MCM3AP: variants seen among roughly 807,000 people sequenced by gnomAD.
MCM3AP encodes minichromosome maintenance complex component 3 associated protein, also known as germinal-center associated nuclear protein.
In MCM3AP, 126 loss-of-function variants were observed where a neutral mutation model predicts 184.1. That is an observed-to-expected ratio of 0.68 (90% confidence interval 0.59 to 0.79). MCM3AP has a LOEUF of 0.79. MCM3AP is among the 30% of genes least tolerant of loss of function. The pLI is 0.00. For synonymous variants in MCM3AP, 1,002 were observed against 979.3 expected (o/e 1.02, Z -0.43); for missense variants, 2,496 against 2,479.2 (o/e 1.01, Z -0.14).
At chr21:46,242,976 A>G (rs751723170) in intron 24 of MCM3AP, 45 bp from the exon 25 acceptor site, 8 of 1,462,084 alleles carry the variant, frequency 5.5e-6, no homozygotes, top group East Asian at 2.4e-5. Flanking sequence ...AGCCTGGCCA[A>G]CCCTGTCTCA....
intron 10 of MCM3AP, 77 bp from the exon 11 acceptor site, chr21:46,266,243 A>G: frequency 6.2e-6 from 9 of 1,460,844 alleles, no homozygotes; most frequent in South Asian, 1.5e-5. Flanking sequence ...CCTGCCGAGT[A>G]CTGCAAGCCC....
At position 46,272,617 on chromosome 21, in the gene MCM3AP, T is replaced by C. The variant is rs17182739; in HGVS notation, c.2409A>G (p.Glu803=). Residue 803 remains glutamate (E), a synonymous_variant, in exon 8 of 28, where the codon GAA becomes GAG. Coordinates refer to ENST00000291688, the MANE Select transcript of MCM3AP (RefSeq NM_003906.5). The part of the protein sequence containing the change: ...LRNKGVFCAS[E]AEFQGYNVLL... ...GAACATTGTAGCCCTGGAACTCCGC[T>C]TCGCTGGCACAGAAGACACCCTTGT... 0.058 allele frequency: 92,903 copies of C among 1,614,088 alleles called. 3,052 individuals are homozygous for C. The highest frequency in any genetic ancestry group is 0.067 in the Non-Finnish European group (79,220 of 1,179,912).
At chr21:46,235,661 G>A (rs2080509740) in intron 27 of MCM3AP, among the ~76,000 whole-genome samples, 1 of 152,170 alleles carries the variant, frequency 6.6e-6, no homozygotes, top group African/African-American at 2.4e-5. Context: ...ACAATTTCCA[G>A]TGTCAGTCAT....
chr21:46,284,413 T>C lies in MCM3AP; in HGVS notation c.874A>G (p.Lys292Glu), dbSNP rs775127763. The change falls in exon 1 of 28, where the codon AAA (lysine) becomes GAA (glutamate). Residue 292 changes from lysine (K) to glutamate (E), a missense_variant. This residue lies in a region of MCM3AP where 800 missense variants were observed against 717.1 expected (regional missense o/e 1.12). Coordinates refer to ENST00000291688, the MANE Select transcript of MCM3AP (RefSeq NM_003906.5). ...GAGCGATCCTGGTCCTCCTTCCTTT[T>C]CAGTCCTTTCATTAGGCTGGGAAGT... Reference protein sequence around the residue: ...EPLPSLMKGLKRKEDQDRSPR... With the variant: ...EPLPSLMKGLERKEDQDRSPR... 3 of 1,614,166 alleles carry C rather than the reference T, an allele frequency of 1.9e-6. No individual in the cohort carries two copies. Among genetic ancestry groups the C allele is most frequent in the East Asian group, 4.5e-5 (2 of 44,886 alleles).
At chr21:46,238,118 A>T (rs1336426853) in intron 26 of MCM3AP, among the ~76,000 whole-genome samples, 1 of 116,912 alleles carries the variant, frequency 8.6e-6, no homozygotes, top group Non-Finnish European at 1.8e-5. Flanking sequence ...AAAAAAAAAA[A>T]TTAGAGAAAC....
intron 1 of MCM3AP, 42 bp from the exon 2 acceptor site, chr21:46,283,880 C>T (rs1377558934): frequency 8.9e-6 from 14 of 1,580,982 alleles, no homozygotes; most frequent in Non-Finnish European, 1.1e-5. Context: ...TCAGATGTTT[C>T]CAACAACAGG....
chr21:46,266,943 A>T, intron 10 of MCM3AP, 39 bp downstream of exon 10: 1 of 1,606,990 alleles, frequency 6.2e-7, no homozygotes, highest in Non-Finnish European at 8.5e-7. Flanking sequence ...ACAAGAAAAA[A>T]GGAGACAGGG....
At chr21:46,281,382 G>A (rs2081330240) in intron 2 of MCM3AP, among the ~76,000 whole-genome samples, 1 of 152,236 alleles carries the variant, frequency 6.6e-6, no homozygotes, top group Admixed American at 6.5e-5. Context: ...CTGCTCCTGA[G>A]TAACAGGAGA....
At chr21:46,276,401 A>C (rs937242441) in intron 5 of MCM3AP, among the ~76,000 whole-genome samples, 2 of 152,202 alleles carry the variant, frequency 1.3e-5, no homozygotes, top group East Asian at 1.9e-4. Flanking sequence ...TGATTATTCA[A>C]ATTATCCACA....
rs145135920 is a variant in MCM3AP, at chr21:46,284,618, G to A, written c.669C>T (p.Thr223=). ...CTACATTTTGGTTTGACAAAGCAGG[G>A]GTAAAGGCAGATAATGAATTATTAC... ...VSSNNSLSAF[T]PALSNQNVEE... The change falls in exon 1 of 28, where the codon ACC becomes ACT. Residue 223 remains threonine, a synonymous_variant. Transcript: ENST00000291688. 1,254 of 1,613,980 alleles carry A rather than the reference G, an allele frequency of 7.8e-4. 1 individual carries two copies. The highest frequency in any genetic ancestry group is 1.0e-3 in the Non-Finnish European group (1,231 of 1,180,032).
chr21:46,256,911 CACGCAGCAGG>C lies in MCM3AP; in HGVS notation c.3800_3809del (p.Pro1267ArgfsTer3). 6.2e-7 allele frequency: 1 copy of C among 1,610,626 alleles called. No homozygotes were observed. The highest frequency in any genetic ancestry group is 1.1e-5 in the South Asian group (1 of 90,180). ...GCGCCCTCAGCCGGTCGCTCACGTC[CACGCAGCAGG>C]GCGCAGCAGGGAAAGCCCGCATTTG... On this transcript the variant is annotated frameshift_variant, in exon 17 of 28. Transcript: ENST00000291688. LOFTEE classifies it high-confidence loss of function.
At position 46,267,057 on chromosome 21, in the gene MCM3AP, A is replaced by G; in HGVS notation, c.2714T>C (p.Val905Ala). 6.2e-7 allele frequency: 1 copy of G among 1,614,206 alleles called. No individual in the cohort carries two copies. The highest frequency in any genetic ancestry group is 8.5e-7 in the Non-Finnish European group (1 of 1,180,034). ...RSTIFPLDGV[V>A]RMLLFRDCEE... The stretch of plus-strand genomic sequence containing the variant: ...ACAGTCTCTGAACAGCAGCATGCGC[A>G]CCACACCATCCAGGGGAAAGATGGT... The change falls in exon 10 of 28, where the codon GTG (valine) becomes GCG (alanine). Residue 905 changes from valine to alanine, a missense_variant. Physicochemically the swap from Val to Ala is moderately conservative, Grantham distance 64. This residue lies in a region of MCM3AP where 138 missense variants were observed against 191.9 expected (regional missense o/e 0.72). Transcript: ENST00000291688.
Position 46,237,804 on chromosome 21 carries a change from A to T in MCM3AP, c.5634-825T>A, listed in dbSNP as rs1269904483. Among the ~76,000 whole-genome samples the T allele has an allele frequency of 2.0e-5, 2 of 99,644 alleles. 1 individual carries two copies. The highest frequency in any genetic ancestry group is 4.6e-4 in the East Asian group (2 of 4,328). The allele number at this position is 99,644 out of a possible 152,430, so 65.4% of individuals were successfully genotyped here. ...AACTTCCTATGATAAAGCTTAATTT[A>T]AAAAAAAAAACTAGGCTGGGCTCGG... On this transcript the variant is annotated intron_variant, in intron 26 of 27. Coordinates refer to ENST00000291688, the MANE Select transcript of MCM3AP (RefSeq NM_003906.5).
chr21:46,251,625 G>A lies in MCM3AP; in HGVS notation c.4194C>T (p.Asp1398=), dbSNP rs758908740. ...KFMGDEGSVD[D]TSSDAGGIQT... ...GAATCCCACCAGCATCGCTGGATGT[G>A]TCATCCACTGAGCCTTCATCTCCCA... Residue 1398 remains aspartate (D), a synonymous_variant, in exon 20 of 28, where the codon GAC becomes GAT. Coordinates refer to ENST00000291688, the MANE Select transcript of MCM3AP (RefSeq NM_003906.5). 6 of 1,605,472 alleles carry A rather than the reference G, an allele frequency of 3.7e-6. No homozygotes were observed. Among genetic ancestry groups the A allele is most frequent in the Non-Finnish European group, 5.1e-6 (6 of 1,172,492 alleles).
At chr21:46,243,416 C>T in intron 24 of MCM3AP, 49 bp downstream of exon 24, 1 of 1,536,236 alleles carries the variant, frequency 6.5e-7, no homozygotes, top group Non-Finnish European at 8.7e-7. Context: ...GAAACTGGAC[C>T]AGGAAAGTCT....
At chr21:46,250,355 T>G (rs1024249716) in intron 20 of MCM3AP, 1 of 149,400 alleles carries the variant, frequency 6.7e-6, no homozygotes, top group Non-Finnish European at 1.5e-5. Context: ...TGGTATGCAG[T>G]GGCCAAGAGG....
rs749631293 is a variant in MCM3AP at position 46,283,696 on chromosome 21, G to A, written c.1362C>T (p.Asn454=). 4 of 1,614,046 alleles carry A rather than the reference G, an allele frequency of 2.5e-6. No homozygotes were observed. The highest frequency in any genetic ancestry group is 3.4e-6 in the Non-Finnish European group (4 of 1,180,014). ...GCACTTTAGCAATTTTGCCAAAATG[G>A]TTCTCCAGAATGGTCCTGTCGTTGA... is the stretch of plus-strand genomic sequence containing the variant. ...DYLNDRTILE[N]HFGKIAKVQR... is the part of the protein sequence containing the mutation. The change falls in exon 2 of 28, where the codon AAC becomes AAT. Residue 454 remains asparagine, a synonymous_variant. Coordinates refer to ENST00000291688, the MANE Select transcript of MCM3AP (RefSeq NM_003906.5).
chr21:46,277,283 CT>C (rs1238597513), intron 5 of MCM3AP, among the ~76,000 whole-genome samples: 2 of 152,164 alleles, frequency 1.3e-5, no homozygotes, highest in Non-Finnish European at 2.9e-5. Flanking sequence ...GGAGCCCATT[CT>C]TTTGCATCCT....
At chr21:46,258,206 T>G (rs567991130) in intron 16 of MCM3AP, among the ~76,000 whole-genome samples, 43 of 152,342 alleles carry the variant, frequency 2.8e-4, no homozygotes, top group African/African-American at 1.0e-3. Flanking sequence ...GGGTCTGTTG[T>G]AGAAGGAAGA....
Sources: gnomAD v4.1 joint callset for allele counts (sites outside exome capture counted in the v4.1 genomes callset) on GRCh38, gnomAD v4.1.1 for gene constraint, gnomAD v4.1.1 regional missense constraint, MANE v1.5 for transcripts, NCBI Gene and HGNC (gene_info 2026-07-23, HGNC 2026-07-21) for gene names.